The following SHLD1 variants were observed in gnomAD, a reference collection of about 807,000 sequenced individuals.
SHLD1 encodes the protein RINN1-REV7-interacting novel NHEJ regulator 3.
In SHLD1, 3 loss-of-function variants were observed where a neutral mutation model predicts 5.5. That is an observed-to-expected ratio of 0.54 (90% CI 0.25 to 1.40). SHLD1 has a LOEUF of 1.40. Ranked by LOEUF, SHLD1 falls within the 40% of genes most tolerant of loss-of-function variation. The pLI is 0.15. For missense variants in SHLD1, 210 were observed against 244.4 expected (o/e 0.86, Z 0.94); for synonymous variants, 92 against 94.3 (o/e 0.98, Z 0.14).
intron 2 of SHLD1, among the ~76,000 whole-genome samples, chr20:5,795,601 C>CAAAAAAAA (rs56723415): frequency 1.5e-5 from 1 of 67,088 alleles, no homozygotes; most frequent in African/African-American, 6.3e-5. Flanking sequence ...TCTGGTCTCG[C>CAAAAAAAA]AAAAAAAAAA....
chr20:5,781,269 A>G (rs1410342759), intron 2 of SHLD1, among the ~76,000 whole-genome samples: 1 of 152,176 alleles, frequency 6.6e-6, no homozygotes, highest in Non-Finnish European at 1.5e-5. Context: ...GCAGAGGCTC[A>G]TGCCTATAAT....
intron 2 of SHLD1, among the ~76,000 whole-genome samples, chr20:5,818,061 CT>C (rs1377846792): frequency 6.6e-6 from 1 of 152,000 alleles, no homozygotes. Context: ...TCTTTTTCTC[CT>C]TTTTTTCTTT....
chr20:5,790,351 C>T (rs6139832), intron 2 of SHLD1, among the ~76,000 whole-genome samples: 44,398 of 151,942 alleles, frequency 0.29, 6,472 homozygotes, highest in Middle Eastern at 0.34. Context: ...TCCAGATAAA[C>T]CAAACAGATC....
intron 2 of SHLD1, among the ~76,000 whole-genome samples, chr20:5,830,703 A>C (rs237079): frequency 0.21 from 31,771 of 151,084 alleles, 3,591 homozygotes; most frequent in East Asian, 0.28. Flanking sequence ...AAAAAAAAAA[A>C]AAAGCAATGT....
intron 2 of SHLD1, among the ~76,000 whole-genome samples, chr20:5,781,037 A>T (rs564932521): frequency 6.6e-6 from 1 of 152,348 alleles, no homozygotes; most frequent in South Asian, 2.1e-4. Flanking sequence ...TCATTCCAGT[A>T]TGAGTATGTA....
In SHLD1 at chr20:5,855,625, G is replaced by GC. The variant is rs2088072732; in HGVS notation, c.179-7393dup. On this transcript the variant is annotated intron_variant, in intron 2 of 2. Coordinates refer to ENST00000303142, the MANE Select transcript of SHLD1 (RefSeq NM_152504.4). The surrounding 1 kb of genome is among the most constrained non-coding windows in gnomAD (Gnocchi z 4.4). ...GGGCTCAAGAGATCCACTTTCCTTG[G>GC]CCCCCCAAAGTGCTGGGATTATAGA... Among the ~76,000 whole-genome samples the GC allele has an allele frequency of 6.6e-6, 1 of 152,130 alleles. No homozygotes were observed. The highest frequency in any genetic ancestry group is 1.5e-5 in the Non-Finnish European group (1 of 68,022).
intron 2 of SHLD1, among the ~76,000 whole-genome samples, chr20:5,853,788 G>A (rs887630761): frequency 6.6e-6 from 1 of 151,786 alleles, no homozygotes; most frequent in African/African-American, 2.4e-5. Flanking sequence ...ACCCTAGCCA[G>A]CACTGCAACC....
At chr20:5,807,853 G>C (rs1439880409) in intron 2 of SHLD1, among the ~76,000 whole-genome samples, 1 of 152,174 alleles carries the variant, frequency 6.6e-6, no homozygotes, top group Non-Finnish European at 1.5e-5. Flanking sequence ...GTCTTTGGAG[G>C]AAGGTCCCCA....
intron 2 of SHLD1, among the ~76,000 whole-genome samples, chr20:5,793,275 G>A (rs1373707283): frequency 6.6e-6 from 1 of 151,904 alleles, no homozygotes; most frequent in Non-Finnish European, 1.5e-5. Flanking sequence ...CTTTTTTGAT[G>A]TACCTATAAA....
chr20:5,771,230 T>C (rs1265099405), intron 1 of SHLD1, among the ~76,000 whole-genome samples: 1 of 152,204 alleles, frequency 6.6e-6, no homozygotes, highest in Admixed American at 6.5e-5. Context: ...GAATGTAGGT[T>C]CTATTGGTCA....
At chr20:5,804,339 C>T (rs1263350842) in intron 2 of SHLD1, among the ~76,000 whole-genome samples, 10 of 116,088 alleles carry the variant, frequency 8.6e-5, no homozygotes, top group African/African-American at 2.7e-4. Context: ...ATTTGTATAT[C>T]GCAAAAAAAA....
At chr20:5,785,854 T>C (rs114886730) in intron 2 of SHLD1, among the ~76,000 whole-genome samples, 2,421 of 150,724 alleles carry the variant, frequency 0.016, 67 homozygotes, top group African/African-American at 0.055. Context: ...TGAGCTAGCA[T>C]CTTTCTACTA....
chr20:5,832,981 G>A (rs961214229), intron 2 of SHLD1, among the ~76,000 whole-genome samples: 1 of 152,136 alleles, frequency 6.6e-6, no homozygotes, highest in African/African-American at 2.4e-5. Context: ...AGGCTGTGCT[G>A]TTGCTTACAT....
intron 1 of SHLD1, 132 bp from the exon 2 acceptor site, chr20:5,772,730 A>C: frequency 1.2e-6 from 1 of 846,964 alleles, no homozygotes; most frequent in Non-Finnish European, 1.7e-6. Flanking sequence ...TGGGCAACTT[A>C]GTGAGACCTG....
At chr20:5,805,016 C>T (rs2087352451) in intron 2 of SHLD1, among the ~76,000 whole-genome samples, 1 of 152,218 alleles carries the variant, frequency 6.6e-6, no homozygotes, top group Admixed American at 6.5e-5. Context: ...CCCCAAATGC[C>T]CTTTTTGTCT....
At chr20:5,850,527 T>C (rs2122491803) in intron 2 of SHLD1, among the ~76,000 whole-genome samples, 1 of 150,378 alleles carries the variant, frequency 6.6e-6, no homozygotes, top group South Asian at 2.1e-4. Flanking sequence ...TTTTTTTTTT[T>C]TGAGATGGAG....
chr20:5,837,408 TAGGTGTTA>T, intron 2 of SHLD1, among the ~76,000 whole-genome samples: 1 of 152,290 alleles, frequency 6.6e-6, no homozygotes, highest in Admixed American at 6.5e-5. Flanking sequence ...TCCCATCACC[TAGGTGTTA>T]AGCCCAGCGT....
intron 2 of SHLD1, among the ~76,000 whole-genome samples, chr20:5,803,509 C>T (rs416882): frequency 0.64 from 97,752 of 151,866 alleles, 31,809 homozygotes; most frequent in African/African-American, 0.72. Flanking sequence ...AATGAAAGCT[C>T]TCCCAAATGT....
intron 1 of SHLD1, among the ~76,000 whole-genome samples, chr20:5,764,800 TA>T (rs1311157878): frequency 2.6e-5 from 4 of 152,144 alleles, no homozygotes; most frequent in African/African-American, 9.7e-5. Flanking sequence ...AGAAAGAGTC[TA>T]GGGGTAGCTC....
Sources: gnomAD v4.1 joint callset for allele counts (sites outside exome capture counted in the v4.1 genomes callset) on GRCh38, gnomAD v4.1.1 for gene constraint, Gnocchi (gnomAD v3.1) non-coding constraint, MANE v1.5 for transcripts, NCBI Gene and HGNC (gene_info 2026-07-23, HGNC 2026-07-21) for gene names.